The following KPNA5 variants were observed in gnomAD, a reference collection of about 807,000 sequenced individuals.
KPNA5 encodes the protein karyopherin subunit alpha 5.
Under a neutral mutation model 71.3 loss-of-function variants are expected in KPNA5, and 46 were observed. That is an observed-to-expected ratio of 0.65 (90% CI 0.51 to 0.83). The LOEUF (loss-of-function observed/expected upper bound fraction) is 0.83, where lower values mean the gene tolerates loss of function less well. Ranked by LOEUF, KPNA5 falls within the 40% of genes least tolerant of loss-of-function variation. The pLI is 0.00. For synonymous variants in KPNA5, 207 were observed against 201.4 expected, an observed-to-expected ratio of 1.03 and a Z score of -0.24; for missense variants, 547 against 628.3, an observed-to-expected ratio of 0.87 and a Z score of 1.38.
intron 1 of KPNA5, among the ~76,000 whole-genome samples, chr6:116,681,875 G>C (rs1017453381): frequency 3.9e-5 from 6 of 152,088 alleles, no homozygotes; most frequent in African/African-American, 7.2e-5. Flanking sequence ...TAATAGTCGG[G>C]CAGCTCCGTT....
intron 7 of KPNA5, among the ~76,000 whole-genome samples, chr6:116,705,956 C>T (rs922259600): frequency 6.6e-6 from 1 of 152,096 alleles, no homozygotes; most frequent in Non-Finnish European, 1.5e-5. Flanking sequence ...TTCACTTAAC[C>T]AATATTAATC....
chr6:116,718,993 G>T (rs917551078), intron 8 of KPNA5, among the ~76,000 whole-genome samples: 1 of 151,886 alleles, frequency 6.6e-6, no homozygotes, highest in African/African-American at 2.4e-5. Context: ...TGCCAGGTTG[G>T]CCAGCTCAAG....
chr6:116,713,119 C>G (rs1778766269), intron 7 of KPNA5, among the ~76,000 whole-genome samples: 1 of 152,028 alleles, frequency 6.6e-6, no homozygotes, highest in Non-Finnish European at 1.5e-5. Context: ...CCAAAAAATC[C>G]ATAATACTAG....
intron 7 of KPNA5, among the ~76,000 whole-genome samples, chr6:116,707,335 A>G (rs898337391): frequency 6.6e-6 from 1 of 152,164 alleles, no homozygotes; most frequent in Non-Finnish European, 1.5e-5. Flanking sequence ...TTTTACTACT[A>G]TAAACTATCC....
At chr6:116,689,538 A>G (rs1224838550) in intron 2 of KPNA5, 85 bp downstream of exon 2, 1 of 1,180,432 alleles carries the variant, frequency 8.5e-7, no homozygotes, top group Non-Finnish European at 1.2e-6. Flanking sequence ...GAAATGTTTT[A>G]AGAAATTGAA....
intron 9 of KPNA5, among the ~76,000 whole-genome samples, chr6:116,722,554 G>C (rs1779149012): frequency 6.6e-6 from 1 of 152,130 alleles, no homozygotes; most frequent in Non-Finnish European, 1.5e-5. Context: ...AACTTAATAA[G>C]TATTTATGGA....
intron 7 of KPNA5, among the ~76,000 whole-genome samples, chr6:116,711,998 C>G (rs1778706449): frequency 6.6e-6 from 1 of 152,130 alleles, no homozygotes; most frequent in South Asian, 2.1e-4. Flanking sequence ...GGCTGGAGTG[C>G]AGTGGTGCAG....
chr6:116,716,105 T>C (rs1479364998), intron 7 of KPNA5, 114 bp from the exon 8 acceptor site: 1 of 711,886 alleles, frequency 1.4e-6, no homozygotes, highest in Non-Finnish European at 2.4e-6. Context: ...TTTTTTCCTA[T>C]TTTGCTAGTT....
intron 7 of KPNA5, among the ~76,000 whole-genome samples, chr6:116,708,570 C>T (rs1053629729): frequency 1.3e-5 from 2 of 152,026 alleles, no homozygotes; most frequent in African/African-American, 4.8e-5. Flanking sequence ...AATTCATGAA[C>T]CTGGGAAATC....
In KPNA5 at chr6:116,690,668, ATATT is replaced by A. The variant is rs1237222990; in HGVS notation, c.138+1222_138+1225del. ...AAAAAAAAAAAAAAAAAGAAGAACGATATTTATTTAGATGTCAAAAAGAATATAA... is the reference window on the plus strand; with the variant it reads ...AAAAAAAAAAAAAAAAAGAAGAACGATATTTAGATGTCAAAAAGAATATAA... On this transcript the variant is annotated intron_variant, in intron 2 of 13. Transcript: ENST00000368564. Among the ~76,000 whole-genome samples, 3 of 151,672 alleles carry A rather than the reference ATATT, an allele frequency of 2.0e-5. No individual in the cohort carries two copies. In the East Asian group the frequency reaches 5.8e-4, roughly 29 times the overall value.
chr6:116,689,394 A>T lies in KPNA5; in HGVS notation c.79A>T (p.Met27Leu). ...GAATAAAGCCCTAAATCCTCAAGAG[A>T]TGCGTAGACGAAGAGAAGAAGAAGG... is the stretch of plus-strand genomic sequence containing the variant. ...YKNKALNPQEMRRRREEEGIQ... is the reference protein window; with the variant it reads ...YKNKALNPQELRRRREEEGIQ... Residue 27 changes from methionine (M) to leucine (L), a missense_variant, in exon 2 of 14, where the codon ATG becomes TTG. Coordinates refer to ENST00000368564, the MANE Select transcript of KPNA5 (RefSeq NM_001366306.2). The T allele has an allele frequency of 6.2e-7, 1 of 1,610,212 alleles. No individual in the cohort carries two copies. Among genetic ancestry groups the T allele is most frequent in the East Asian group, 2.2e-5 (1 of 44,650 alleles).
intron 7 of KPNA5, among the ~76,000 whole-genome samples, chr6:116,706,743 G>A (rs1456887830): frequency 6.6e-6 from 1 of 151,910 alleles, no homozygotes; most frequent in Non-Finnish European, 1.5e-5. Flanking sequence ...AAGTTTCAGA[G>A]TTTCATTATA....
At chr6:116,708,232 C>G (rs79206456) in intron 7 of KPNA5, among the ~76,000 whole-genome samples, 2 of 152,144 alleles carry the variant, frequency 1.3e-5, no homozygotes, top group Non-Finnish European at 2.9e-5. Flanking sequence ...GGTTTTGTCT[C>G]AGTACTGGTT....
chr6:116,709,194 A>G (rs1358289394), intron 7 of KPNA5, among the ~76,000 whole-genome samples: 1 of 152,270 alleles, frequency 6.6e-6, no homozygotes, highest in African/African-American at 2.4e-5. Flanking sequence ...TCTGTCAATA[A>G]TGTTAGTTTC....
intron 2 of KPNA5, 71 bp from the exon 3 acceptor site, chr6:116,691,984 A>C (rs889494065): frequency 2.1e-6 from 2 of 967,056 alleles, no homozygotes; most frequent in Non-Finnish European, 3.3e-6. Flanking sequence ...TCAAATGAAA[A>C]CATGGAATTC....
At chr6:116,731,929 T>TC (rs1479341225) in intron 13 of KPNA5, among the ~76,000 whole-genome samples, 1 of 151,522 alleles carries the variant, frequency 6.6e-6, no homozygotes. Flanking sequence ...CTACATACTC[T>TC]CATTCTTGAA....
rs1779630562 is a variant in KPNA5, at chr6:116,735,246, T to C, written c.*2923T>C. 1 of 151,798 alleles carries C rather than the reference T, an allele frequency of 6.6e-6. No individual in the cohort carries two copies. The highest frequency in any genetic ancestry group is 2.1e-4 in the South Asian group (1 of 4,838). 9.4% of individuals were successfully genotyped at this position (151,798 alleles called of 1,614,324 possible). A position where few individuals can be genotyped will look rare whatever the true frequency, so the allele number is the denominator to read the frequency against. ...CTATTTGCAGTTAAAGGTTGATTTA[T>C]TGGATAAGGGACTAAAAGAAGCATA... On this transcript the variant is annotated 3_prime_UTR_variant, in exon 14 of 14. Transcript: ENST00000368564.
At chr6:116,690,831 C>T (rs781404649) in intron 2 of KPNA5, among the ~76,000 whole-genome samples, 5 of 152,086 alleles carry the variant, frequency 3.3e-5, no homozygotes, top group Admixed American at 6.5e-5. Context: ...TGCATATTAC[C>T]TGCACACATC....
At chr6:116,727,427 A>G (rs1779330629) in intron 12 of KPNA5, among the ~76,000 whole-genome samples, 2 of 152,088 alleles carry the variant, frequency 1.3e-5, no homozygotes, top group African/African-American at 4.8e-5. Context: ...GCAAATTTAA[A>G]AACACAATAC....
Sources: gnomAD v4.1 joint callset for allele counts (sites outside exome capture counted in the v4.1 genomes callset) on GRCh38, gnomAD v4.1.1 for gene constraint, MANE v1.5 for transcripts, NCBI Gene and HGNC (gene_info 2026-07-23, HGNC 2026-07-21) for gene names.